HS3ST1: variants seen among roughly 807,000 people sequenced by gnomAD.
The protein encoded by HS3ST1 is heparan sulfate glucosamine 3-O-sulfotransferase 1.
Under a neutral mutation model 20.7 loss-of-function variants are expected in HS3ST1, and 8 were observed. The observed-to-expected ratio is 0.39, with a 90% CI of 0.23 to 0.70. HS3ST1 has a LOEUF of 0.70. Among genes scored for constraint, HS3ST1 ranks in the 30% least tolerant of loss-of-function variants. The pLI, the probability that HS3ST1 is intolerant of heterozygous loss-of-function variation, is 0.46. For synonymous variants in HS3ST1, 205 were observed against 190.4 expected, an observed-to-expected ratio of 1.08 and a Z score of -0.63; for missense variants, 436 against 423.4, an observed-to-expected ratio of 1.03 and a Z score of -0.26.
At chr4:11,431,286 T>TTAAGTCAAACA (rs1719201240), upstream of HS3ST1, among the ~76,000 whole-genome samples, 1 of 151,528 alleles carries the variant, frequency 6.6e-6, no homozygotes. Flanking sequence ...GAGTCAGGGT[T>TTAAGTCAAACA]TAAGTCAAAC....
chr4:11,403,419 T>G (rs1410198735), intron 1 of HS3ST1, among the ~76,000 whole-genome samples: 1 of 152,132 alleles, frequency 6.6e-6, no homozygotes, highest in East Asian at 1.9e-4. Context: ...TGTGCCACCT[T>G]GATCTTGACA....
At chr4:11,412,687 CTCAT>C (rs1369950067) in intron 1 of HS3ST1, among the ~76,000 whole-genome samples, 1 of 152,112 alleles carries the variant, frequency 6.6e-6, no homozygotes, top group Non-Finnish European at 1.5e-5. Context: ...ATACTTAGCA[CTCAT>C]TCAATGAATA....
At chr4:11,414,616 C>T (rs1718725329) in intron 1 of HS3ST1, among the ~76,000 whole-genome samples, 2 of 152,290 alleles carry the variant, frequency 1.3e-5, no homozygotes, top group East Asian at 3.9e-4. Flanking sequence ...GCTTTGTATT[C>T]CAGATTGATA....
intron 1 of HS3ST1, among the ~76,000 whole-genome samples, chr4:11,425,141 T>C (rs1457807997): frequency 6.6e-6 from 1 of 152,204 alleles, no homozygotes; most frequent in East Asian, 1.9e-4. Flanking sequence ...GTCCAATCAC[T>C]CATTCAATTA....
chr4:11,429,749 G>A (rs568424075), upstream of HS3ST1: 1 of 136,724 alleles, frequency 7.3e-6, no homozygotes, highest in South Asian at 2.3e-4. Context: ...CCTCTATTCC[G>A]GAAGCTGGGA....
chr4:11,432,992 C>T (rs1187218204), upstream of HS3ST1, among the ~76,000 whole-genome samples: 3 of 152,130 alleles, frequency 2.0e-5, no homozygotes, highest in African/African-American at 7.2e-5. Context: ...CTTTATGACA[C>T]CAAATTTGAC....
At chr4:11,430,996 C>T (rs1484907939), upstream of HS3ST1, among the ~76,000 whole-genome samples, 3 of 152,220 alleles carry the variant, frequency 2.0e-5, no homozygotes, top group Non-Finnish European at 4.4e-5. Flanking sequence ...ATAGCTCTCC[C>T]TGAAGTCTTC....
chr4:11,399,661 G>A lies in HS3ST1; in HGVS notation c.345C>T (p.Leu115=), dbSNP rs146387142. 61 of 1,613,810 alleles carry A rather than the reference G, an allele frequency of 3.8e-5. No homozygotes were observed. The highest frequency in any genetic ancestry group is 4.9e-5 in the Non-Finnish European group (58 of 1,180,042). ...SQMPFSWPHQ[L]TVEKTPAYFT... ...AATACGCGGGGGTCTTCTCCACTGT[G>A]AGCTGGTGTGGCCAGGAGAAGGGCA... The change falls in exon 2 of 2, where the codon CTC becomes CTT. Residue 115 remains leucine, a synonymous_variant. Coordinates refer to ENST00000002596, the MANE Select transcript of HS3ST1 (RefSeq NM_005114.4). This position sits in a 1 kb window ranked among gnomAD's most constrained non-coding sequence, Gnocchi z 5.1.
In HS3ST1 at chr4:11,424,084, C is replaced by T. The variant is rs534259864; in HGVS notation, c.-109+4615G>A. Among the ~76,000 whole-genome samples the T allele has an allele frequency of 5.3e-5, 8 of 150,396 alleles. No homozygotes were observed. In the East Asian group the frequency reaches 1.6e-3, roughly 29 times the overall value. On this transcript the variant is annotated intron_variant, in intron 1 of 1. Transcript: ENST00000002596. ...CATAACCAGGTCTGGCAAGACCAGACCTGAAGTCCCGCCTGCAGCCCCTGT... is the reference window on the plus strand; with the variant it reads ...CATAACCAGGTCTGGCAAGACCAGATCTGAAGTCCCGCCTGCAGCCCCTGT...
In HS3ST1 at chr4:11,399,056, A is replaced by C. The variant is rs1387504236; in HGVS notation, c.*26T>G. On this transcript the variant is annotated 3_prime_UTR_variant, in exon 2 of 2. Transcript: ENST00000002596. This position sits in a 1 kb window ranked among gnomAD's most constrained non-coding sequence, Gnocchi z 5.1. ...TGTACACCAGAACTTACAGTAGGAA[A>C]GTTTCTGAGCTTAGCTTATTGCAAA... 8.2e-6 allele frequency: 13 copies of C among 1,579,718 alleles called. No individual in the cohort carries two copies. Among genetic ancestry groups the C allele is most frequent in the Middle Eastern group, 1.7e-4 (1 of 5,890 alleles).
intron 1 of HS3ST1, among the ~76,000 whole-genome samples, chr4:11,400,849 G>A (rs1443808270): frequency 6.6e-6 from 1 of 152,206 alleles, no homozygotes; most frequent in East Asian, 1.9e-4. Flanking sequence ...CTGGCTGCAA[G>A]AGGCCTTGTG....
At chr4:11,402,403 A>T (rs1364083005) in intron 1 of HS3ST1, among the ~76,000 whole-genome samples, 1 of 152,114 alleles carries the variant, frequency 6.6e-6, no homozygotes, top group Non-Finnish European at 1.5e-5. Context: ...TAACAGGCCA[A>T]TTTTTTTAGT....
chr4:11,432,414 C>T (rs145250217), upstream of HS3ST1, among the ~76,000 whole-genome samples: 35 of 152,308 alleles, frequency 2.3e-4, 1 homozygote, highest in East Asian at 6.7e-3. Flanking sequence ...AATAAACTTT[C>T]CAAGTCCTGA....
chr4:11,424,116 T>G (rs1719005181), intron 1 of HS3ST1, among the ~76,000 whole-genome samples: 1 of 151,146 alleles, frequency 6.6e-6, no homozygotes, highest in Non-Finnish European at 1.5e-5. Flanking sequence ...CTGTGCTGGA[T>G]CTGGGCTACA....
At chr4:11,430,143 C>CA (rs951406325), upstream of HS3ST1, among the ~76,000 whole-genome samples, 9 of 152,214 alleles carry the variant, frequency 5.9e-5, no homozygotes, top group African/African-American at 1.9e-4. Flanking sequence ...TTTCAGAAAA[C>CA]AACACAGTGA....
At chr4:11,424,283 CTGTTA>C (rs1345196065) in intron 1 of HS3ST1, among the ~76,000 whole-genome samples, 1 of 152,168 alleles carries the variant, frequency 6.6e-6, no homozygotes, top group Admixed American at 6.5e-5. Context: ...GGATCTATTT[CTGTTA>C]TGTTTAGAGT....
intron 1 of HS3ST1, among the ~76,000 whole-genome samples, chr4:11,420,691 C>T (rs1487937119): frequency 6.6e-6 from 1 of 152,200 alleles, no homozygotes; most frequent in Admixed American, 6.5e-5. Context: ...GAATCAGACT[C>T]ACTTCTTCAA....
In HS3ST1 at chr4:11,398,428, T is replaced by C. The variant is rs528202201; in HGVS notation, c.*654A>G. 6.6e-6 allele frequency: 1 copy of C among 152,382 alleles called. No homozygotes were observed. The highest frequency in any genetic ancestry group is 1.9e-4 in the East Asian group (1 of 5,192). 9.4% of individuals were successfully genotyped at this position (152,382 alleles called of 1,614,324 possible). A position where few individuals can be genotyped will look rare whatever the true frequency, so the allele number is the denominator to read the frequency against. On this transcript the variant is annotated 3_prime_UTR_variant, in exon 2 of 2. Coordinates refer to ENST00000002596, the MANE Select transcript of HS3ST1 (RefSeq NM_005114.4). ...AGATCAGAAGCATGTGCAAATATTC[T>C]TTGAGGTCAAGATGGATCCCAAGAG... is the stretch of plus-strand genomic sequence containing the variant.
At chr4:11,416,114 A>G (rs1364021440) in intron 1 of HS3ST1, among the ~76,000 whole-genome samples, 4 of 152,112 alleles carry the variant, frequency 2.6e-5, no homozygotes, top group Admixed American at 6.5e-5. Flanking sequence ...CCCAGGGGAC[A>G]TTTTCTCAGG....
Sources: gnomAD v4.1 joint callset for allele counts (sites outside exome capture counted in the v4.1 genomes callset) on GRCh38, gnomAD v4.1.1 for gene constraint, Gnocchi (gnomAD v3.1) non-coding constraint, MANE v1.5 for transcripts, NCBI Gene and HGNC (gene_info 2026-07-23, HGNC 2026-07-21) for gene names.